Variants in PTPRE observed in about 807,000 individuals in gnomAD.
PTPRE encodes the protein protein tyrosine phosphatase receptor type E, also known as receptor-type tyrosine-protein phosphatase epsilon.
A neutral mutation model predicts 102.0 loss-of-function variants in PTPRE; 51 were observed. The ratio of observed to expected loss-of-function variants is 0.50; its 90% CI spans 0.40 to 0.63. The LOEUF (loss-of-function observed/expected upper bound fraction) is 0.63. Among genes scored for constraint, PTPRE ranks in the 30% least tolerant of loss-of-function variants. PTPRE has a pLI of 0.00. For missense variants in PTPRE, 752 were observed against 915.1 expected (o/e 0.82, Z 2.30); for synonymous variants, 345 against 348.2 (o/e 0.99, Z 0.10).
At chr10:128,059,767 A>G (rs1214209514) in intron 7 of PTPRE, among the ~76,000 whole-genome samples, 1 of 152,178 alleles carries the variant, frequency 6.6e-6, no homozygotes, top group South Asian at 2.1e-4. Flanking sequence ...TCTTCAAATC[A>G]CAAACAAAAC....
chr10:127,943,676 G>A (rs1474364035), intron 1 of PTPRE, among the ~76,000 whole-genome samples: 1 of 152,222 alleles, frequency 6.6e-6, no homozygotes, highest in Admixed American at 6.5e-5. Flanking sequence ...CATTTGCTCA[G>A]GCAGATGGTA....
At chr10:127,969,683 G>A (rs201132684) in intron 1 of PTPRE, among the ~76,000 whole-genome samples, 2 of 110,430 alleles carry the variant, frequency 1.8e-5, no homozygotes, top group African/African-American at 3.9e-5. Flanking sequence ...AAAAAAAAAA[G>A]GGGGGCGGGG....
chr10:127,917,689 A>T (rs1846305469), intron 1 of PTPRE, among the ~76,000 whole-genome samples: 1 of 151,960 alleles, frequency 6.6e-6, no homozygotes, highest in Non-Finnish European at 1.5e-5. Flanking sequence ...TATTTTGAAA[A>T]TTGGGTTACA....
chr10:127,992,887 A>G (rs1247601821), intron 2 of PTPRE, among the ~76,000 whole-genome samples: 1 of 152,218 alleles, frequency 6.6e-6, no homozygotes, highest in Non-Finnish European at 1.5e-5. Flanking sequence ...GGGAGTCTTC[A>G]TTTTTCTCCA....
chr10:127,983,143 CTCTTTTTT>C (rs1851780659), intron 2 of PTPRE, among the ~76,000 whole-genome samples: 1 of 152,126 alleles, frequency 6.6e-6, no homozygotes. Context: ...CTGGCTGGCC[CTCTTTTTT>C]AGGCAGGGTG....
intron 9 of PTPRE, among the ~76,000 whole-genome samples, chr10:128,062,198 C>A (rs1368594650): frequency 2.0e-5 from 3 of 152,164 alleles, no homozygotes; most frequent in African/African-American, 7.2e-5. Context: ...ACCTGGTGTA[C>A]GTGCGGTTAG....
At chr10:128,040,790 C>G in intron 2 of PTPRE, 85 bp from the exon 3 acceptor site, 1 of 1,025,744 alleles carries the variant, frequency 9.7e-7, no homozygotes, top group Non-Finnish European at 1.5e-6. Context: ...GAAGTTGGCT[C>G]TTCTCCTCAT....
chr10:127,934,261 T>C (rs1253437075), intron 1 of PTPRE: 1 of 152,178 alleles, frequency 6.6e-6, no homozygotes, highest in Non-Finnish European at 1.5e-5. Context: ...TCACTGGTGT[T>C]CATTGTATTG....
rs368063314 is a variant in PTPRE at position 128,079,563 on chromosome 10, C to T, written c.1896C>T (p.Ala632=). 92 of 1,613,602 alleles carry T rather than the reference C, an allele frequency of 5.7e-5. 1 individual carries two copies. The South Asian group carries it at 7.0e-4, about 12-fold the overall frequency. The part of the protein sequence containing the change: ...GNHPITVHCS[A]GAGRTGTFIA... ...ATTAAGCGCTTTTTCTCTGCAGTGCCGGAGCTGGGCGAACAGGTACATTCA... is the reference window on the plus strand; with the variant it reads ...ATTAAGCGCTTTTTCTCTGCAGTGCTGGAGCTGGGCGAACAGGTACATTCA... The change falls in exon 20 of 21, where the codon GCC becomes GCT. Residue 632 remains alanine (A), a synonymous_variant. Transcript: ENST00000254667.
At chr10:127,961,937 G>A (rs1849848837) in intron 1 of PTPRE, among the ~76,000 whole-genome samples, 1 of 152,158 alleles carries the variant, frequency 6.6e-6, no homozygotes, top group African/African-American at 2.4e-5. Context: ...ATATGAAATT[G>A]GTTCTGCAGG....
At chr10:128,045,821 G>A (rs1848042951) in intron 3 of PTPRE, among the ~76,000 whole-genome samples, 1 of 152,218 alleles carries the variant, frequency 6.6e-6, no homozygotes, top group Admixed American at 6.5e-5. Flanking sequence ...AGCACCAACC[G>A]AACCTTGTGT....
intron 6 of PTPRE, among the ~76,000 whole-genome samples, chr10:128,053,648 G>A (rs1221547247): frequency 2.0e-5 from 3 of 152,210 alleles, no homozygotes; most frequent in African/African-American, 7.2e-5. Flanking sequence ...CCATCTCCAT[G>A]GTCTGGATCT....
chr10:128,056,078 G>T, intron 6 of PTPRE, 45 bp from the exon 7 acceptor site: 2 of 1,447,820 alleles, frequency 1.4e-6, no homozygotes, highest in Non-Finnish European at 1.9e-6. Flanking sequence ...TGAGCATGGT[G>T]CTTGAATCCA....
At chr10:128,058,473 C>G (rs1179715736) in intron 7 of PTPRE, among the ~76,000 whole-genome samples, 2 of 152,314 alleles carry the variant, frequency 1.3e-5, no homozygotes, top group East Asian at 1.9e-4. Context: ...CCAGGGCCCA[C>G]GCAGCTGCCC....
intron 1 of PTPRE, among the ~76,000 whole-genome samples, chr10:127,940,377 C>T (rs993215126): frequency 1.3e-5 from 2 of 152,204 alleles, no homozygotes; most frequent in African/African-American, 2.4e-5. Flanking sequence ...GCTCACATCC[C>T]ACCATCCCTG....
intron 18 of PTPRE, among the ~76,000 whole-genome samples, chr10:128,077,356 G>A (rs115131828): frequency 5.9e-5 from 9 of 152,336 alleles, no homozygotes; most frequent in African/African-American, 1.9e-4. Flanking sequence ...GTAGGGGTTG[G>A]GCAGTCCTCA....
At chr10:128,074,581 C>T (rs768123559) in intron 17 of PTPRE, among the ~76,000 whole-genome samples, 4 of 151,902 alleles carry the variant, frequency 2.6e-5, no homozygotes, top group Non-Finnish European at 5.9e-5. Context: ...CAGGGAGAAT[C>T]GCTTGAACCT....
chr10:127,938,533 C>T (rs1847993584), intron 1 of PTPRE, among the ~76,000 whole-genome samples: 1 of 152,024 alleles, frequency 6.6e-6, no homozygotes, highest in Non-Finnish European at 1.5e-5. Flanking sequence ...CCTGTGAGTA[C>T]AAGGCTAGCT....
At chr10:128,066,899 C>T (rs1036101785) in intron 11 of PTPRE, among the ~76,000 whole-genome samples, 3 of 151,888 alleles carry the variant, frequency 2.0e-5, no homozygotes, top group South Asian at 4.2e-4. Flanking sequence ...CACATGCACA[C>T]GCACACACAT....
Sources: gnomAD v4.1 joint callset for allele counts (sites outside exome capture counted in the v4.1 genomes callset) on GRCh38, gnomAD v4.1.1 for gene constraint, MANE v1.5 for transcripts, NCBI Gene and HGNC (gene_info 2026-07-23, HGNC 2026-07-21) for gene names.